The following DNAJC5 variants were observed in gnomAD, a reference collection of about 807,000 sequenced individuals.
DNAJC5 encodes dnaJ homolog subfamily C member 5.
DNAJC5 carries 1 observed loss-of-function variant against 23.2 expected under a neutral mutation model. The ratio of observed to expected loss-of-function variants is 0.04; its 90% confidence interval spans 0.02 to 0.20. DNAJC5 has a LOEUF of 0.20. DNAJC5 is among the 10% of genes least tolerant of loss of function. The pLI, the probability that DNAJC5 is intolerant of heterozygous loss-of-function variation, is 1.00. For missense variants in DNAJC5, 180 were observed against 267.0 expected (o/e 0.67, Z 2.27); for synonymous variants, 136 against 120.0 (o/e 1.13, Z -0.87).
intron 3 of DNAJC5, among the ~76,000 whole-genome samples, chr20:63,930,002 C>G (rs1351905639): frequency 6.6e-6 from 1 of 152,198 alleles, no homozygotes; most frequent in Non-Finnish European, 1.5e-5. Context: ...GGCTCCCAGT[C>G]CTTCGTGAGA....
At position 63,926,813 on chromosome 20, in the gene DNAJC5, C is replaced by A. The variant is rs924210012; in HGVS notation, c.-11-1522C>A. ...TGGAGCCCCCAGCTCAGGTGCTGCTCTTACCAAGAAACACCCTCCCAGGCA... is the reference window on the plus strand; with the variant it reads ...TGGAGCCCCCAGCTCAGGTGCTGCTATTACCAAGAAACACCCTCCCAGGCA... On this transcript the variant is annotated intron_variant, in intron 1 of 4. Coordinates refer to ENST00000360864, the MANE Select transcript of DNAJC5 (RefSeq NM_025219.3). 2.0e-5 allele frequency among the ~76,000 whole-genome samples: 3 copies of A among 152,356 alleles called. No individual in the cohort carries two copies. The South Asian group carries it at 6.2e-4, about 32-fold the overall frequency.
intron 1 of DNAJC5, among the ~76,000 whole-genome samples, chr20:63,908,313 G>A (rs1050363995): frequency 6.6e-6 from 1 of 152,204 alleles, no homozygotes; most frequent in Non-Finnish European, 1.5e-5. Context: ...AGTCAGGGCC[G>A]TTTCCATCAG....
At chr20:63,895,595 G>A (rs1457434425) in intron 1 of DNAJC5, among the ~76,000 whole-genome samples, 1 of 151,406 alleles carries the variant, frequency 6.6e-6, no homozygotes, top group Non-Finnish European at 1.5e-5. Flanking sequence ...CTGGGGCGGC[G>A]CTCTCCGCGG....
At chr20:63,926,295 C>T (rs757329562) in intron 1 of DNAJC5, among the ~76,000 whole-genome samples, 8 of 152,216 alleles carry the variant, frequency 5.3e-5, no homozygotes, top group Admixed American at 1.3e-4. Context: ...ATCCTTTTCA[C>T]GCCTCTAGGA....
At position 63,931,497 on chromosome 20, in the gene DNAJC5, G is replaced by A. The variant is rs868320606; in HGVS notation, c.526G>A (p.Ala176Thr). The change falls in exon 5 of 5, where the codon GCA (alanine) becomes ACA (threonine). Residue 176 changes from alanine to threonine, a missense_variant. By Grantham distance (58) the Ala-to-Thr change is moderately conservative. Around this residue, in one of 3 missense-constraint regions of DNAJC5, gnomAD observed 97 missense variants for 123.4 expected, o/e 0.79. Coordinates refer to ENST00000360864, the MANE Select transcript of DNAJC5 (RefSeq NM_025219.3). This position sits in a 1 kb window ranked among gnomAD's most constrained non-coding sequence, Gnocchi z 9.6. ...ATDTPIVIQP[A>T]SATETTQLTA... is the part of the protein sequence containing the mutation. ...AGACACGCCGATCGTCATACAGCCGGCATCCGCCACCGAGACCACCCAGCT... is the reference window on the plus strand; with the variant it reads ...AGACACGCCGATCGTCATACAGCCGACATCCGCCACCGAGACCACCCAGCT... 1.3e-6 allele frequency: 2 copies of A among 1,577,208 alleles called. No individual in the cohort carries two copies. The highest frequency in any genetic ancestry group is 2.3e-5 in the East Asian group (1 of 42,908).
chr20:63,916,170 ACTCCTGGCCTCAAG>A (rs1219572293), intron 1 of DNAJC5, among the ~76,000 whole-genome samples: 1 of 152,064 alleles, frequency 6.6e-6, no homozygotes, highest in East Asian at 1.9e-4. Context: ...CTGGTCTCAA[ACTCCTGGCCTCAAG>A]CAATCTGCAT....
rs3206771 is a variant in DNAJC5 at position 63,934,269 on chromosome 20, C to T, written c.*2701C>T. The T allele has an allele frequency of 0.082, 12,487 of 152,370 alleles. 554 individuals carry two copies. Among genetic ancestry groups the T allele is most frequent in the East Asian group, 0.13 (691 of 5,192 alleles). 9.4% of individuals were successfully genotyped at this position (152,370 alleles called of 1,614,324 possible). On this transcript the variant is annotated 3_prime_UTR_variant, in exon 5 of 5. Transcript: ENST00000360864. ...TTAAAAGAGGTGGTGAGTCCTGGGG[C>T]AGCTTCCGCGCCTCCCTGTCCACGT...
intron 1 of DNAJC5, among the ~76,000 whole-genome samples, chr20:63,924,130 T>C (rs1209826832): frequency 6.6e-6 from 1 of 152,158 alleles, no homozygotes; most frequent in African/African-American, 2.4e-5. Context: ...CTCTAACTTT[T>C]GTTCTTTTTA....
At chr20:63,904,079 A>C (rs1321245062) in intron 1 of DNAJC5, among the ~76,000 whole-genome samples, 1 of 152,076 alleles carries the variant, frequency 6.6e-6, no homozygotes, top group Admixed American at 6.6e-5. Flanking sequence ...AAATAGCAAA[A>C]CACTCTGAAA....
intron 1 of DNAJC5, among the ~76,000 whole-genome samples, chr20:63,921,202 G>A (rs1249711650): frequency 6.6e-6 from 1 of 151,982 alleles, no homozygotes; most frequent in African/African-American, 2.4e-5. Flanking sequence ...CAGGTGATCC[G>A]CCCTCCTCAG....
chr20:63,902,358 CTTT>C lies in DNAJC5; in HGVS notation c.-12+7057_-12+7059del, dbSNP rs34309020. 4.2e-3 allele frequency among the ~76,000 whole-genome samples: 353 copies of C among 83,336 alleles called. 2 individuals carry two copies. Among genetic ancestry groups the C allele is most frequent in the African/African-American group, 0.017 (317 of 18,862 alleles). The allele number at this position is 83,336 out of a possible 152,430, so 54.7% of individuals were successfully genotyped here. On this transcript the variant is annotated intron_variant, in intron 1 of 4. Coordinates refer to ENST00000360864, the MANE Select transcript of DNAJC5 (RefSeq NM_025219.3). ...CGTGAGCCACTGCTCCTGGCCTCAT[CTTT>C]TTTTTTTTTTTTTTTTTTTTTGAGA...
chr20:63,917,436 AGAGATG>A (rs1205764170), intron 1 of DNAJC5, among the ~76,000 whole-genome samples: 2 of 152,098 alleles, frequency 1.3e-5, no homozygotes, highest in Non-Finnish European at 2.9e-5. Flanking sequence ...TATTTTCTGT[AGAGATG>A]GGGTTTCGCT....
intron 1 of DNAJC5, among the ~76,000 whole-genome samples, chr20:63,917,679 C>T (rs995777917): frequency 6.6e-6 from 1 of 152,132 alleles, no homozygotes; most frequent in Admixed American, 6.6e-5. Flanking sequence ...CCTCAGCCTC[C>T]TGAGTAGCTG....
intron 1 of DNAJC5, among the ~76,000 whole-genome samples, chr20:63,909,928 G>C (rs778910365): frequency 5.9e-5 from 9 of 152,210 alleles, no homozygotes; most frequent in Non-Finnish European, 8.8e-5. Flanking sequence ...CGTGGTTACT[G>C]ATCTTATGAA....
chr20:63,903,411 G>A (rs770279103), intron 1 of DNAJC5, among the ~76,000 whole-genome samples: 11 of 152,024 alleles, frequency 7.2e-5, no homozygotes, highest in Non-Finnish European at 1.5e-4. Flanking sequence ...GGGTTCAAGC[G>A]ATTCTCCTGC....
At chr20:63,921,067 C>T (rs909958339) in intron 1 of DNAJC5, among the ~76,000 whole-genome samples, 2 of 152,164 alleles carry the variant, frequency 1.3e-5, no homozygotes, top group African/African-American at 2.4e-5. Context: ...TCAAGTGATT[C>T]TTCTACCTCA....
intron 1 of DNAJC5, among the ~76,000 whole-genome samples, chr20:63,916,608 A>G (rs1372831185): frequency 5.3e-5 from 8 of 152,288 alleles, no homozygotes; most frequent in South Asian, 2.1e-4. Flanking sequence ...AACAACAGAA[A>G]ACAGGGTTCC....
intron 1 of DNAJC5, among the ~76,000 whole-genome samples, chr20:63,921,345 A>G (rs1434347584): frequency 1.3e-5 from 2 of 152,078 alleles, no homozygotes. Context: ...TAATCCCAGC[A>G]CTTTGGGAGG....
chr20:63,924,826 C>T (rs183622870), intron 1 of DNAJC5, among the ~76,000 whole-genome samples: 11 of 152,324 alleles, frequency 7.2e-5, no homozygotes, highest in Admixed American at 3.3e-4. Flanking sequence ...CTTTGCAAGC[C>T]GGGGACCCCT....
Sources: gnomAD v4.1 joint callset for allele counts (sites outside exome capture counted in the v4.1 genomes callset) on GRCh38, gnomAD v4.1.1 for gene constraint, gnomAD v4.1.1 regional missense constraint, Gnocchi (gnomAD v3.1) non-coding constraint, MANE v1.5 for transcripts, NCBI Gene and HGNC (gene_info 2026-07-23, HGNC 2026-07-21) for gene names.